Variants in MYH15 observed in about 807,000 individuals in gnomAD.
The protein encoded by MYH15 is myosin heavy chain 15.
MYH15 carries 227 observed loss-of-function variants against 240.5 expected under a neutral mutation model. The ratio of observed to expected loss-of-function variants is 0.94; its 90% CI spans 0.85 to 1.05. The LOEUF (loss-of-function observed/expected upper bound fraction) is 1.05. Ranked by LOEUF, MYH15 falls within the 50% of genes least tolerant of loss-of-function variation. MYH15 has a pLI of 0.00. For synonymous variants in MYH15, 785 were observed against 796.7 expected (o/e 0.99, Z 0.25); for missense variants, 2,217 against 2,247.5 (o/e 0.99, Z 0.27).
chr3:108,417,657 T>G (rs1033463356), intron 28 of MYH15, among the ~76,000 whole-genome samples: 1 of 152,106 alleles, frequency 6.6e-6, no homozygotes, highest in African/African-American at 2.4e-5. Context: ...CTATTAATTA[T>G]AGTCGGGCCT....
chr3:108,392,972 G>A (rs185316828), intron 36 of MYH15, among the ~76,000 whole-genome samples: 4 of 152,292 alleles, frequency 2.6e-5, no homozygotes, highest in Non-Finnish European at 4.4e-5. Flanking sequence ...AAAGGGATGA[G>A]TGAATAGGCA....
upstream of MYH15, among the ~76,000 whole-genome samples, chr3:108,510,804 C>T (rs781376442): frequency 6.6e-6 from 1 of 152,104 alleles, no homozygotes; most frequent in African/African-American, 2.4e-5. Context: ...ACATAGAAGG[C>T]ACAGTGCCTG....
At chr3:108,505,899 C>T in intron 1 of MYH15, 70 bp from the exon 2 acceptor site, 1 of 957,772 alleles carries the variant, frequency 1.0e-6, no homozygotes. Flanking sequence ...TGGACACTTT[C>T]ATACTGATAG....
the MYH15 span, among the ~76,000 whole-genome samples, chr3:108,545,339 C>G: frequency 1.3e-5 from 2 of 151,916 alleles, no homozygotes; most frequent in African/African-American, 4.8e-5. Flanking sequence ...CTCAATTGGC[C>G]AAAGGTTTGA....
Position 108,387,376 on chromosome 3 carries a change from G to C in MYH15, c.5535+1594C>G, listed in dbSNP as rs549709125. Among the ~76,000 whole-genome samples, 7 of 152,210 alleles carry C rather than the reference G, an allele frequency of 4.6e-5. No individual in the cohort carries two copies. The South Asian group carries it at 8.3e-4, about 18-fold the overall frequency. On this transcript the variant is annotated intron_variant, in intron 38 of 40. Transcript: ENST00000693548. ...AATGATATTAGCTGATTTGATGGCA[G>C]AAAATAGGCCTATCTAAGCATTCTG...
intron 37 of MYH15, among the ~76,000 whole-genome samples, chr3:108,389,506 T>C (rs1343566438): frequency 6.6e-6 from 1 of 152,176 alleles, no homozygotes; most frequent in African/African-American, 2.4e-5. Context: ...CACATGTATG[T>C]CACCCACAAC....
intron 5 of MYH15, among the ~76,000 whole-genome samples, chr3:108,498,886 A>G (rs1402593718): frequency 6.6e-6 from 1 of 152,244 alleles, no homozygotes; most frequent in Non-Finnish European, 1.5e-5. Flanking sequence ...CTTGAGTCTC[A>G]GCCACCATGC....
intron 21 of MYH15, 138 bp from the exon 22 acceptor site, chr3:108,445,033 T>A: frequency 1.0e-6 from 1 of 984,306 alleles, no homozygotes; most frequent in Non-Finnish European, 1.4e-6. Flanking sequence ...CTTTTATATC[T>A]GGACTTTCAC....
chr3:108,421,257 T>C (rs1432128026), intron 27 of MYH15, 43 bp from the exon 28 acceptor site: 2 of 1,597,048 alleles, frequency 1.3e-6, no homozygotes, highest in African/African-American at 2.7e-5. Flanking sequence ...TCACAGAGGA[T>C]ACTCTGAATC....
chr3:108,514,051 G>A (rs1018615588), upstream of MYH15, among the ~76,000 whole-genome samples: 4 of 152,122 alleles, frequency 2.6e-5, no homozygotes, highest in African/African-American at 9.7e-5. Context: ...GCCCTTACTG[G>A]GAAGGGAGAG....
intron 16 of MYH15, among the ~76,000 whole-genome samples, chr3:108,461,392 A>G (rs1194078487): frequency 6.6e-6 from 1 of 152,208 alleles, no homozygotes; most frequent in Non-Finnish European, 1.5e-5. Flanking sequence ...TGGATTCCCC[A>G]GGAGAAAGTA....
intron 9 of MYH15, 28 bp from the exon 10 acceptor site, chr3:108,486,554 A>G (rs1368906068): frequency 6.7e-7 from 1 of 1,487,712 alleles, no homozygotes; most frequent in Admixed American, 1.7e-5. Flanking sequence ...TTCGTTAAAC[A>G]GCTTAAAGAA....
At chr3:108,398,986 A>T (rs1281403275) in intron 34 of MYH15, 89 bp downstream of exon 34, 6 of 1,480,424 alleles carry the variant, frequency 4.1e-6, no homozygotes, top group Non-Finnish European at 3.7e-6. Context: ...CCTCATCTTT[A>T]CTGCTGAACA....
intron 33 of MYH15, among the ~76,000 whole-genome samples, chr3:108,403,528 A>G (rs1321819209): frequency 8.6e-6 from 1 of 115,696 alleles, no homozygotes; most frequent in Non-Finnish European, 1.8e-5. Flanking sequence ...CTGGCATTCT[A>G]TTCAGTTTCC....
At chr3:108,472,945 TG>T (rs998461638) in intron 12 of MYH15, among the ~76,000 whole-genome samples, 33 of 152,302 alleles carry the variant, frequency 2.2e-4, no homozygotes, top group Admixed American at 1.9e-3. Context: ...CTTTGGTTAC[TG>T]GGGGGCAATA....
chr3:108,410,911 C>A lies in MYH15; in HGVS notation c.4167G>T (p.Leu1389Phe). 6.2e-7 allele frequency: 1 copy of A among 1,602,450 alleles called. No individual in the cohort carries two copies. The highest frequency in any genetic ancestry group is 8.5e-7 in the Non-Finnish European group (1 of 1,170,916). ...EDAKKELAIR[L>F]QEAAEAMGVA... is the part of the protein sequence containing the mutation. ...CCCCCATGGCTTCGGCTGCCTCCTG[C>A]AATCTAATTGCCAGTTCCTTCCTGA... The change falls in exon 31 of 41, where the codon TTG becomes TTT. Residue 1389 changes from leucine (L) to phenylalanine (F), a missense_variant. Physicochemically the swap from Leu to Phe is conservative, Grantham distance 22. Coordinates refer to ENST00000693548, the MANE Select transcript of MYH15 (RefSeq NM_014981.3).
intron 33 of MYH15, 118 bp downstream of exon 33, chr3:108,405,220 C>CT (rs932937820): frequency 1.7e-5 from 8 of 468,948 alleles, no homozygotes; most frequent in Non-Finnish European, 2.7e-5. Context: ...TAGAGTTACA[C>CT]TAAGTTTCTT....
upstream of MYH15, among the ~76,000 whole-genome samples, chr3:108,514,467 G>A (rs1452630294): frequency 6.6e-6 from 1 of 152,124 alleles, no homozygotes; most frequent in Non-Finnish European, 1.5e-5. Flanking sequence ...CAATATATAT[G>A]TATTGCCCAT....
intron 1 of MYH15, among the ~76,000 whole-genome samples, chr3:108,519,118 T>A (rs1346674878): frequency 6.6e-6 from 1 of 152,144 alleles, no homozygotes; most frequent in Non-Finnish European, 1.5e-5. Context: ...ATGTTCTTGG[T>A]TAGAAAAGCA....
Sources: allele counts gnomAD v4.1 joint callset (sites outside exome capture counted in the v4.1 genomes callset), GRCh38; gene constraint gnomAD v4.1.1; transcripts MANE v1.5; gene names NCBI Gene and HGNC (gene_info 2026-07-23, HGNC 2026-07-21).